The following IFT140 variants were observed in gnomAD, a reference collection of about 807,000 sequenced individuals.
IFT140 encodes the protein intraflagellar transport protein 140 homolog.
A neutral mutation model predicts 164.6 loss-of-function variants in IFT140; 133 were observed. The ratio of observed to expected loss-of-function variants is 0.81; its 90% CI spans 0.70 to 0.93. IFT140 has a LOEUF of 0.93. Among genes scored for constraint, IFT140 ranks in the 40% least tolerant of loss-of-function variants. The probability of loss-of-function intolerance (pLI) is 0.00; values close to 1 mark genes in which losing one functional copy is unlikely to be tolerated. For missense variants in IFT140, 2,045 were observed against 1,972.3 expected (o/e 1.04, Z -0.70); for synonymous variants, 860 against 817.3 (o/e 1.05, Z -0.89).
chr16:1,540,896 G>T, intron 19 of IFT140: 1 of 985,432 alleles, frequency 1.0e-6, no homozygotes, highest in Non-Finnish European at 1.2e-6. Flanking sequence ...TGCAGTCCCT[G>T]ACTCCAGGCT....
intron 19 of IFT140, among the ~76,000 whole-genome samples, chr16:1,534,983 C>T (rs112672992): frequency 0.019 from 2,953 of 152,162 alleles, 107 homozygotes; most frequent in African/African-American, 0.068. Context: ...GGCGGGAGGA[C>T]TGCTTGAGGC....
intron 19 of IFT140, among the ~76,000 whole-genome samples, chr16:1,537,229 A>G (rs1481085721): frequency 1.3e-5 from 2 of 152,190 alleles, no homozygotes; most frequent in African/African-American, 4.8e-5. Flanking sequence ...CACGCAGGCC[A>G]GGGAAGACAA....
rs892291214 is a variant in IFT140 at position 1,525,450 on chromosome 16, G to C, written c.2769-124C>G. On this transcript the variant is annotated intron_variant, in intron 21 of 30. Transcript: ENST00000426508. ...GTGGCCCTCGGGGTGTGTGCTCCTG[G>C]CCTGCAGCTCTGCAGACCCTGAGCA... The C allele has an allele frequency of 2.2e-3, 1,643 of 742,818 alleles. 14 individuals carry two copies. In the African/African-American group the frequency reaches 0.025, roughly 11 times the overall value. The allele number at this position is 742,818 out of a possible 1,614,324, so 46.0% of individuals were successfully genotyped here. A position where few individuals can be genotyped will look rare whatever the true frequency, so the allele number is the denominator to read the frequency against.
intron 18 of IFT140, 75 bp from the exon 19 acceptor site, chr16:1,558,209 G>C (rs1479413540): frequency 1.4e-6 from 2 of 1,437,378 alleles, no homozygotes; most frequent in Admixed American, 3.4e-5. Flanking sequence ...TCGTCCTCTG[G>C]ATTTAGCTCC....
chr16:1,596,533 A>C (rs2035474282), intron 4 of IFT140, among the ~76,000 whole-genome samples: 1 of 152,178 alleles, frequency 6.6e-6, no homozygotes, highest in Non-Finnish European at 1.5e-5. Flanking sequence ...AAAAGTTTAG[A>C]GCGCCTGCGC....
intron 15 of IFT140, among the ~76,000 whole-genome samples, chr16:1,567,574 C>T (rs1179763935): frequency 2.0e-5 from 3 of 152,250 alleles, no homozygotes; most frequent in African/African-American, 4.8e-5. Flanking sequence ...AGGCAGTGGG[C>T]GGGGTCCTTG....
At chr16:1,572,738 G>A (rs968780968) in intron 13 of IFT140, among the ~76,000 whole-genome samples, 5 of 152,174 alleles carry the variant, frequency 3.3e-5, no homozygotes, top group Admixed American at 2.6e-4. Flanking sequence ...TGTCTTTTAG[G>A]GACTAACCTT....
intron 30 of IFT140, among the ~76,000 whole-genome samples, chr16:1,511,832 G>C (rs938569177): frequency 6.6e-6 from 1 of 151,684 alleles, no homozygotes; most frequent in Non-Finnish European, 1.5e-5. Flanking sequence ...GGACACAGGG[G>C]ACACAGGACG....
intron 19 of IFT140, chr16:1,541,139 C>A (rs1232206286): frequency 3.0e-6 from 3 of 985,412 alleles, no homozygotes; most frequent in Non-Finnish European, 3.6e-6. Context: ...ATGTGCCCTG[C>A]CCACCTGGCT....
chr16:1,596,105 G>A (rs1381480970), intron 4 of IFT140, among the ~76,000 whole-genome samples: 1 of 151,986 alleles, frequency 6.6e-6, no homozygotes, highest in Non-Finnish European at 1.5e-5. Context: ...GTGTATTTGT[G>A]TTTAGTAATT....
chr16:1,570,585 G>A (rs945344123), intron 14 of IFT140, among the ~76,000 whole-genome samples: 1 of 152,160 alleles, frequency 6.6e-6, no homozygotes, highest in Non-Finnish European at 1.5e-5. Context: ...AGAGAGCCGA[G>A]CTCCTGTGCA....
Position 1,586,282 on chromosome 16 carries a change from G to A in IFT140, c.1010-7C>T. ...GTACCAGCGGCCAGAAGACCTACAG[G>A]TAGAAACAAACTGCATGTGAACAGA... is the stretch of plus-strand genomic sequence containing the variant. On this transcript the variant is annotated splice_region_variant and splice_polypyrimidine_tract_variant and intron_variant, in intron 9 of 30. Transcript: ENST00000426508. The A allele has an allele frequency of 6.2e-7, 1 of 1,609,734 alleles. No individual in the cohort carries two copies. Among genetic ancestry groups the A allele is most frequent in the Non-Finnish European group, 8.5e-7 (1 of 1,178,042 alleles).
intron 13 of IFT140, chr16:1,579,212 A>G (rs930040059): frequency 3.9e-5 from 6 of 152,190 alleles, no homozygotes; most frequent in East Asian, 1.9e-4. Flanking sequence ...TATGTTTACT[A>G]TTTGTGAGGT....
At chr16:1,582,031 C>T (rs866578393) in intron 12 of IFT140, among the ~76,000 whole-genome samples, 14 of 151,990 alleles carry the variant, frequency 9.2e-5, no homozygotes, top group South Asian at 2.1e-4. Context: ...GAGCATGACA[C>T]GCGGCCTCCT....
intron 4 of IFT140, among the ~76,000 whole-genome samples, chr16:1,594,860 G>A (rs1284872094): frequency 6.6e-6 from 1 of 152,232 alleles, no homozygotes; most frequent in African/African-American, 2.4e-5. Flanking sequence ...AAAACTGGGG[G>A]CCCTTTAGCC....
At chr16:1,586,391 C>T in intron 9 of IFT140, 116 bp from the exon 10 acceptor site, 1 of 996,800 alleles carries the variant, frequency 1.0e-6, no homozygotes, top group African/African-American at 1.6e-5. Flanking sequence ...AGTCTGGTGC[C>T]TCTCCACCTC....
chr16:1,520,845 G>C (rs1026738792), intron 26 of IFT140, 37 bp from the exon 27 acceptor site: 2 of 1,578,856 alleles, frequency 1.3e-6, no homozygotes, highest in African/African-American at 2.7e-5. Context: ...GCTGCCGAGG[G>C]GGCCGGGAAC....
chr16:1,543,248 A>G (rs577828549), intron 19 of IFT140, among the ~76,000 whole-genome samples: 3 of 152,340 alleles, frequency 2.0e-5, no homozygotes, highest in Non-Finnish European at 4.4e-5. Flanking sequence ...TGCAGTTCCC[A>G]CAGAGGAAGT....
intron 19 of IFT140, among the ~76,000 whole-genome samples, chr16:1,535,011 C>A (rs1000194311): frequency 6.6e-6 from 1 of 152,004 alleles, no homozygotes. Flanking sequence ...TCAAGACGAA[C>A]CTAGCCTACA....
Sources: gnomAD v4.1 joint callset for allele counts (sites outside exome capture counted in the v4.1 genomes callset) on GRCh38, gnomAD v4.1.1 for gene constraint, MANE v1.5 for transcripts, NCBI Gene and HGNC (gene_info 2026-07-23, HGNC 2026-07-21) for gene names.